OR6N1: variants seen among roughly 807,000 people sequenced by gnomAD.
The protein encoded by OR6N1 is olfactory receptor family 6 subfamily N member 1.
For synonymous variants in OR6N1, 170 were observed against 150.7 expected, an observed-to-expected ratio of 1.13 and a Z score of -0.94; for missense variants, 394 against 371.7, an observed-to-expected ratio of 1.06 and a Z score of -0.49.
Position 158,772,042 on chromosome 1 carries a change from T to C in OR6N1, c.-40A>G, listed in dbSNP as rs1261158562. The C allele has an allele frequency of 1.3e-5, 2 of 152,064 alleles. No individual in the cohort carries two copies. The highest frequency in any genetic ancestry group is 3.9e-4 in the East Asian group (2 of 5,174). 9.4% of individuals were successfully genotyped at this position (152,064 alleles called of 1,614,324 possible). On this transcript the variant is annotated 5_prime_UTR_variant, in exon 1 of 2. Transcript: ENST00000641846. The stretch of plus-strand genomic sequence containing the variant: ...TTACCTAGAGATTGTTGGTGGGGAG[T>C]GCTCTGCTAGAGCTTGACTCTGGAA...
chr1:158,813,042 G>A, the OR6N1 span, among the ~76,000 whole-genome samples: 6 of 152,176 alleles, frequency 3.9e-5, no homozygotes, highest in Non-Finnish European at 7.4e-5. Flanking sequence ...ATAATAAGAT[G>A]AATGCAATTT....
the OR6N1 span, among the ~76,000 whole-genome samples, chr1:158,807,908 T>C: frequency 6.6e-6 from 1 of 152,148 alleles, no homozygotes; most frequent in Admixed American, 6.5e-5. Context: ...CCCCTTTCTC[T>C]TTACATCTTC....
At chr1:158,767,750 G>A (rs1197793880) in intron 1 of OR6N1, among the ~76,000 whole-genome samples, 6 of 152,226 alleles carry the variant, frequency 3.9e-5, no homozygotes, top group Non-Finnish European at 8.8e-5. Flanking sequence ...TCATCCCACA[G>A]CCACTGCTCT....
chr1:158,803,066 G>A, the OR6N1 span, among the ~76,000 whole-genome samples: 2 of 151,740 alleles, frequency 1.3e-5, no homozygotes, highest in African/African-American at 2.4e-5. Flanking sequence ...AGAATCAGGT[G>A]GAAAGAAAGC....
chr1:158,797,981 G>C, the OR6N1 span, among the ~76,000 whole-genome samples: 1 of 151,214 alleles, frequency 6.6e-6, no homozygotes, highest in South Asian at 2.1e-4. Flanking sequence ...TTCTGATGTT[G>C]ATATTTCTAA....
the OR6N1 span, among the ~76,000 whole-genome samples, chr1:158,809,805 A>C: frequency 6.6e-6 from 1 of 152,178 alleles, no homozygotes; most frequent in African/African-American, 2.4e-5. Context: ...AGAAGAAAAA[A>C]TGGAATATAA....
the OR6N1 span, among the ~76,000 whole-genome samples, chr1:158,783,407 A>G: frequency 6.6e-6 from 1 of 152,216 alleles, no homozygotes; most frequent in Non-Finnish European, 1.5e-5. Context: ...ATGAAAATAG[A>G]AATGAGCTAA....
the OR6N1 span, chr1:158,781,337 G>A: frequency 6.6e-6 from 1 of 152,280 alleles, no homozygotes; most frequent in Admixed American, 6.5e-5. Flanking sequence ...CAGAAGGAAG[G>A]GAGACCTCCA....
At position 158,766,489 on chromosome 1, in the gene OR6N1, A is replaced by C; in HGVS notation, c.194T>G (p.Ile65Ser). 1 of 1,614,186 alleles carries C rather than the reference A, an allele frequency of 6.2e-7. No homozygotes were observed. The change falls in exon 2 of 2, where the codon ATT (isoleucine) becomes AGT (serine). Residue 65 changes from isoleucine (I) to serine (S), a missense_variant. Physicochemically the swap from Ile to Ser is moderately radical, Grantham distance 142. Coordinates refer to ENST00000641846, the MANE Select transcript of OR6N1 (RefSeq NM_001005185.2). ...ATAGCCAAGCTCTGAGAAGGAGAGA[A>C]TGCTGACAAAGTGGTACATGGGTGT... is the stretch of plus-strand genomic sequence containing the variant. ...LHTPMYHFVS[I>S]LSFSELGYTA... is the part of the protein sequence containing the mutation.
In OR6N1 at chr1:158,765,716, C is replaced by G; in HGVS notation, c.*28G>C. On this transcript the variant is annotated 3_prime_UTR_variant, in exon 2 of 2. Coordinates refer to ENST00000641846, the MANE Select transcript of OR6N1 (RefSeq NM_001005185.2). ...CCCTGGGGCCACCATATCCTCAGGC[C>G]CGGCCTTGGCCTACTCTCAGCCCCA... 2 of 1,573,224 alleles carry G rather than the reference C, an allele frequency of 1.3e-6. No homozygotes were observed. The highest frequency in any genetic ancestry group is 1.7e-6 in the Non-Finnish European group (2 of 1,148,444).
the OR6N1 span, among the ~76,000 whole-genome samples, chr1:158,839,259 C>T: frequency 2.0e-5 from 3 of 152,250 alleles, no homozygotes; most frequent in Non-Finnish European, 4.4e-5. Flanking sequence ...GAAATATAAA[C>T]GTTCTCTGAG....
At chr1:158,777,722 C>G in the OR6N1 span, 7 of 791,598 alleles carry the variant, frequency 8.8e-6, no homozygotes, top group Admixed American at 1.7e-4. Context: ...CTCTCTCTCT[C>G]TTTTTAACTT....
At chr1:158,776,518 TA>T (rs892984130), upstream of OR6N1, 30 of 483,894 alleles carry the variant, frequency 6.2e-5, no homozygotes, top group African/African-American at 5.4e-4. Flanking sequence ...AGTGATCGAG[TA>T]AAAAATAGAA....
chr1:158,834,273 C>T, the OR6N1 span, among the ~76,000 whole-genome samples: 1 of 146,972 alleles, frequency 6.8e-6, no homozygotes, highest in Non-Finnish European at 1.5e-5. Flanking sequence ...CGCCCTGTCG[C>T]CCAGGCTGGA....
the OR6N1 span, among the ~76,000 whole-genome samples, chr1:158,799,392 C>A: frequency 1.6e-4 from 24 of 152,206 alleles, no homozygotes; most frequent in Admixed American, 1.5e-3. Flanking sequence ...CTCTCTCTAG[C>A]CTACGTTTAA....
chr1:158,801,351 G>T, the OR6N1 span, among the ~76,000 whole-genome samples: 5 of 152,050 alleles, frequency 3.3e-5, no homozygotes, highest in African/African-American at 1.2e-4. Context: ...TATCCATCTA[G>T]TCCCTAAAGA....
upstream of OR6N1, chr1:158,774,605 T>C (rs542680960): frequency 1.1e-4 from 17 of 152,316 alleles, no homozygotes; most frequent in South Asian, 6.2e-4. Flanking sequence ...CCTATACTTA[T>C]GCATTTTCCC....
chr1:158,784,342 A>G, the OR6N1 span, among the ~76,000 whole-genome samples: 1 of 152,212 alleles, frequency 6.6e-6, no homozygotes, highest in South Asian at 2.1e-4. Context: ...ATGTCTTGAT[A>G]TATGTATACA....
At position 158,766,190 on chromosome 1, in the gene OR6N1, G is replaced by A. The variant is rs376516662; in HGVS notation, c.493C>T (p.Arg165Cys). ...GPVVEISLIS[R>C]LPFCGPNRIQ... ...CGATTGGGGCCACAGAATGGGAGGCGTGAAATCAAGGAAATTTCAACTACT... is the reference window on the plus strand; with the variant it reads ...CGATTGGGGCCACAGAATGGGAGGCATGAAATCAAGGAAATTTCAACTACT... Residue 165 changes from arginine to cysteine, a missense_variant, in exon 2 of 2, where the codon CGC becomes TGC. Coordinates refer to ENST00000641846, the MANE Select transcript of OR6N1 (RefSeq NM_001005185.2). 69 of 1,614,148 alleles carry A rather than the reference G, an allele frequency of 4.3e-5. No homozygotes were observed. The highest frequency in any genetic ancestry group is 1.4e-4 in the South Asian group (13 of 91,080).
Sources: allele counts gnomAD v4.1 joint callset (sites outside exome capture counted in the v4.1 genomes callset), GRCh38; gene constraint gnomAD v4.1.1; transcripts MANE v1.5; gene names NCBI Gene and HGNC (gene_info 2026-07-23, HGNC 2026-07-21).